The following DNAJC1 variants were observed in gnomAD, a reference collection of about 807,000 sequenced individuals.
The protein encoded by DNAJC1 is dnaJ homolog subfamily C member 1.
In DNAJC1, 58 loss-of-function variants were observed where a neutral mutation model predicts 76.6. The ratio of observed to expected loss-of-function variants is 0.76; its 90% CI spans 0.61 to 0.94. DNAJC1 has a LOEUF of 0.94. Ranked by LOEUF, DNAJC1 falls within the 40% of genes least tolerant of loss-of-function variation. The pLI, the probability that DNAJC1 is intolerant of heterozygous loss-of-function variation, is 0.00. For synonymous variants in DNAJC1, 258 were observed against 267.9 expected, an observed-to-expected ratio of 0.96 and a Z score of 0.36; for missense variants, 689 against 677.3, an observed-to-expected ratio of 1.02 and a Z score of -0.19.
chr10:21,881,328 T>C (rs528788770), intron 8 of DNAJC1, among the ~76,000 whole-genome samples: 3 of 152,368 alleles, frequency 2.0e-5, no homozygotes, highest in South Asian at 4.1e-4. Flanking sequence ...GAATGTGTCC[T>C]TTGCATTTTA....
intron 8 of DNAJC1, among the ~76,000 whole-genome samples, chr10:21,854,344 G>A (rs1835798476): frequency 1.6e-5 from 2 of 123,468 alleles, no homozygotes; most frequent in African/African-American, 5.6e-5. Context: ...TACAAATGTG[G>A]ATCTTTAAAA....
chr10:21,855,047 G>T (rs905836901), intron 8 of DNAJC1, among the ~76,000 whole-genome samples: 3 of 152,098 alleles, frequency 2.0e-5, no homozygotes, highest in African/African-American at 7.2e-5. Context: ...AATTCTTCTA[G>T]AAAATCATCT....
At chr10:21,777,994 C>T in intron 9 of DNAJC1, among the ~76,000 whole-genome samples, 1 of 152,156 alleles carries the variant, frequency 6.6e-6, no homozygotes, top group East Asian at 1.9e-4. Flanking sequence ...TCAAGACCAG[C>T]CTGGCCAACA....
intron 8 of DNAJC1, among the ~76,000 whole-genome samples, chr10:21,815,727 T>C (rs1383239415): frequency 6.6e-6 from 1 of 152,044 alleles, no homozygotes; most frequent in Non-Finnish European, 1.5e-5. Flanking sequence ...ATCTCAAGGA[T>C]GAGGCAGAGG....
At chr10:21,903,955 A>G (rs1488584534) in intron 7 of DNAJC1, among the ~76,000 whole-genome samples, 3 of 152,230 alleles carry the variant, frequency 2.0e-5, no homozygotes, top group Non-Finnish European at 4.4e-5. Flanking sequence ...AAAAATAGAC[A>G]AAAGGACTGC....
intron 1 of DNAJC1, among the ~76,000 whole-genome samples, chr10:21,958,888 G>T (rs1837739104): frequency 6.6e-6 from 1 of 151,830 alleles, no homozygotes; most frequent in Non-Finnish European, 1.5e-5. Flanking sequence ...TTGTTCATTT[G>T]GTAAGAACAT....
At chr10:21,996,658 G>C (rs549000152) in intron 1 of DNAJC1, among the ~76,000 whole-genome samples, 47 of 152,164 alleles carry the variant, frequency 3.1e-4, no homozygotes, top group African/African-American at 1.1e-3. Context: ...CTCATAATTA[G>C]TGTAAAGAAA....
chr10:21,781,424 G>A (rs1363995311), intron 9 of DNAJC1, among the ~76,000 whole-genome samples: 1 of 152,128 alleles, frequency 6.6e-6, no homozygotes, highest in African/African-American at 2.4e-5. Flanking sequence ...TAGAACTCAG[G>A]ATTAAGAAAC....
chr10:21,960,120 G>T (rs1398802211), intron 1 of DNAJC1, among the ~76,000 whole-genome samples: 3 of 152,054 alleles, frequency 2.0e-5, no homozygotes, highest in Non-Finnish European at 2.9e-5. Flanking sequence ...TCTATTTTCA[G>T]CACAGCATAG....
intron 1 of DNAJC1, among the ~76,000 whole-genome samples, chr10:21,938,416 G>A (rs1186270573): frequency 1.3e-5 from 2 of 150,870 alleles, no homozygotes; most frequent in African/African-American, 4.8e-5. Flanking sequence ...CCTAAGTTTT[G>A]CTACGTAATA....
chr10:21,809,382 T>C (rs1219497098), intron 8 of DNAJC1, among the ~76,000 whole-genome samples: 2 of 151,832 alleles, frequency 1.3e-5, no homozygotes, highest in Non-Finnish European at 2.9e-5. Flanking sequence ...CTATTAATAA[T>C]AATTATTTAT....
At chr10:21,895,694 A>G (rs1489886804) in intron 7 of DNAJC1, among the ~76,000 whole-genome samples, 1 of 152,208 alleles carries the variant, frequency 6.6e-6, no homozygotes, top group Admixed American at 6.5e-5. Flanking sequence ...TAATATGAAT[A>G]GAAGGAAGAC....
chr10:21,908,892 T>G (rs1383801361), intron 6 of DNAJC1, among the ~76,000 whole-genome samples: 1 of 152,096 alleles, frequency 6.6e-6, no homozygotes, highest in Non-Finnish European at 1.5e-5. Flanking sequence ...TTCTTTCTTT[T>G]TTTTTTTCCC....
chr10:21,849,004 T>C (rs191908008), intron 8 of DNAJC1, among the ~76,000 whole-genome samples: 2 of 152,188 alleles, frequency 1.3e-5, no homozygotes, highest in East Asian at 3.9e-4. Context: ...TAATAGTAAA[T>C]GCCAGCCAGG....
intron 1 of DNAJC1, among the ~76,000 whole-genome samples, chr10:21,997,377 C>T (rs115154753): frequency 8.7e-4 from 133 of 152,252 alleles, no homozygotes; most frequent in African/African-American, 3.1e-3. Flanking sequence ...CAATTTGTGC[C>T]CTCTCCTCTA....
chr10:21,939,367 GTA>G (rs2131793964), intron 1 of DNAJC1, among the ~76,000 whole-genome samples: 1 of 152,266 alleles, frequency 6.6e-6, no homozygotes, highest in East Asian at 1.9e-4. Context: ...CCCTTAATTT[GTA>G]TAGTGTTATT....
intron 8 of DNAJC1, among the ~76,000 whole-genome samples, chr10:21,865,112 T>C (rs1222338800): frequency 6.6e-6 from 1 of 152,158 alleles, no homozygotes; most frequent in Non-Finnish European, 1.5e-5. Context: ...CACACACTGC[T>C]GGTGGGAATG....
chr10:21,763,913 G>A (rs547816670), intron 10 of DNAJC1, among the ~76,000 whole-genome samples: 20 of 152,252 alleles, frequency 1.3e-4, no homozygotes, highest in African/African-American at 2.9e-4. Context: ...CCCTATGTAC[G>A]TAACACATAA....
chr10:21,922,155 G>A (rs976870447), intron 3 of DNAJC1, among the ~76,000 whole-genome samples: 5 of 151,976 alleles, frequency 3.3e-5, no homozygotes, highest in South Asian at 2.1e-4. Context: ...GAATAATAGC[G>A]CAGCTGCTAA....
Sources: gnomAD v4.1 joint callset for allele counts (sites outside exome capture counted in the v4.1 genomes callset) on GRCh38, gnomAD v4.1.1 for gene constraint, MANE v1.5 for transcripts, NCBI Gene and HGNC (gene_info 2026-07-23, HGNC 2026-07-21) for gene names.